The following EPHA7 variants were observed in gnomAD, a reference collection of about 807,000 sequenced individuals.
EPHA7 encodes the protein ephrin type-A receptor 7.
Under a neutral mutation model 112.6 loss-of-function variants are expected in EPHA7, and 25 were observed. The ratio of observed to expected loss-of-function variants is 0.22; its 90% CI spans 0.16 to 0.31. The LOEUF (loss-of-function observed/expected upper bound fraction) is 0.31. Among genes scored for constraint, EPHA7 ranks in the 10% least tolerant of loss-of-function variants. The pLI is 1.00. For synonymous variants in EPHA7, 437 were observed against 406.5 expected, an observed-to-expected ratio of 1.07 and a Z score of -0.90; for missense variants, 962 against 1,212.6, an observed-to-expected ratio of 0.79 and a Z score of 3.07.
intron 5 of EPHA7, among the ~76,000 whole-genome samples, chr6:93,334,866 T>A (rs1449585680): frequency 6.6e-6 from 1 of 152,166 alleles, no homozygotes; most frequent in East Asian, 1.9e-4. Flanking sequence ...GATTGCGATG[T>A]GTAGCTCATA....
chr6:93,385,590 TTAA>T (rs1474612094), intron 3 of EPHA7, among the ~76,000 whole-genome samples: 1 of 152,040 alleles, frequency 6.6e-6, no homozygotes, highest in Admixed American at 6.6e-5. Context: ...ACCCCACTTA[TTAA>T]TGAGACTGAA....
chr6:93,374,723 G>A (rs950002131), intron 3 of EPHA7, among the ~76,000 whole-genome samples: 1 of 152,176 alleles, frequency 6.6e-6, no homozygotes, highest in Admixed American at 6.5e-5. Flanking sequence ...TCAAGTGCTA[G>A]AACCATCATT....
At chr6:93,380,258 AC>A (rs1777269422) in intron 3 of EPHA7, among the ~76,000 whole-genome samples, 1 of 152,032 alleles carries the variant, frequency 6.6e-6, no homozygotes. Context: ...CAAGACAAAT[AC>A]TTTGGGAGGG....
In EPHA7 at chr6:93,307,930, A is replaced by C. The variant is rs147182107; in HGVS notation, c.1325-35508T>G. ...ATATCTACTTAGTTCTCAAATATCA[A>C]GACTTTTTCCCGATGAATATGGATT... On this transcript the variant is annotated intron_variant, in intron 5 of 16. Coordinates refer to ENST00000369303, the MANE Select transcript of EPHA7 (RefSeq NM_004440.4). Among the ~76,000 whole-genome samples the C allele has an allele frequency of 3.3e-4, 51 of 152,300 alleles. 1 individual carries two copies. The highest frequency in any genetic ancestry group is 1.2e-3 in the African/African-American group (50 of 41,568).
At position 93,331,452 on chromosome 6, in the gene EPHA7, CA is replaced by C. The variant is rs35947900; in HGVS notation, c.1324+25264del. ...AGATTATATATTTAGCAGAAAAATACAAAAAAAAAAATTCAGAGCTTTTAAA... is the reference window on the plus strand; with the variant it reads ...AGATTATATATTTAGCAGAAAAATACAAAAAAAAAATTCAGAGCTTTTAAA... On this transcript the variant is annotated intron_variant, in intron 5 of 16. Coordinates refer to ENST00000369303, the MANE Select transcript of EPHA7 (RefSeq NM_004440.4). Among the ~76,000 whole-genome samples, 378 of 145,576 alleles carry C rather than the reference CA, an allele frequency of 2.6e-3. 2 individuals are homozygous for C. The highest frequency in any genetic ancestry group is 3.5e-3 in the Middle Eastern group (1 of 282).
At chr6:93,293,258 A>G (rs1026533705) in intron 5 of EPHA7, among the ~76,000 whole-genome samples, 1 of 151,938 alleles carries the variant, frequency 6.6e-6, no homozygotes, top group Non-Finnish European at 1.5e-5. Context: ...TATTTTTAAA[A>G]TTTAAAACAA....
intron 5 of EPHA7, among the ~76,000 whole-genome samples, chr6:93,312,161 GC>G (rs997306034): frequency 6.6e-6 from 1 of 152,114 alleles, no homozygotes; most frequent in Non-Finnish European, 1.5e-5. Context: ...GGTGCATTTA[GC>G]CCTTAAAAAG....
intron 2 of EPHA7, among the ~76,000 whole-genome samples, chr6:93,413,481 T>C (rs187752519): frequency 1.3e-5 from 2 of 152,010 alleles, no homozygotes; most frequent in East Asian, 1.9e-4. Flanking sequence ...ATGGGCTACA[T>C]CTGTCATTGG....
At chr6:93,305,377 A>C (rs1051614699) in intron 5 of EPHA7, among the ~76,000 whole-genome samples, 15 of 151,986 alleles carry the variant, frequency 9.9e-5, no homozygotes, top group Admixed American at 3.3e-4. Flanking sequence ...AATTCAGTGA[A>C]TTAAAATTTC....
chr6:93,283,593 G>A (rs1200875954), intron 5 of EPHA7, among the ~76,000 whole-genome samples: 2 of 151,784 alleles, frequency 1.3e-5, no homozygotes, highest in African/African-American at 4.8e-5. Context: ...CAGACGCACT[G>A]CCTTAAGAGC....
intron 3 of EPHA7, among the ~76,000 whole-genome samples, chr6:93,384,194 T>C (rs1230758789): frequency 2.0e-5 from 3 of 152,162 alleles, no homozygotes; most frequent in East Asian, 3.9e-4. Context: ...ATACATCTCA[T>C]TGTTTTACTA....
intron 5 of EPHA7, among the ~76,000 whole-genome samples, chr6:93,352,292 G>GT (rs956141525): frequency 4.6e-5 from 7 of 151,998 alleles, no homozygotes; most frequent in African/African-American, 7.2e-5. Context: ...TGAGTGATCT[G>GT]TTTTTATTAA....
rs771983362 is a variant in EPHA7 at position 93,245,327 on chromosome 6, G to T, written c.2853C>A (p.Ser951=). The change falls in exon 16 of 17, where the codon TCC becomes TCA. Residue 951 remains serine (S), a synonymous_variant. Transcript: ENST00000369303. ...TAGTCATCCTGGCTACTGATTCAAG[G>T]GAATTGTAGCCAGCTGCCGTGAAAT... ...KDNFTAAGYN[S]LESVARMTIE... is the part of the protein sequence containing the mutation. 6.2e-7 allele frequency: 1 copy of T among 1,613,144 alleles called. No homozygotes were observed. Among genetic ancestry groups the T allele is most frequent in the Non-Finnish European group, 8.5e-7 (1 of 1,179,842 alleles).
At chr6:93,330,333 TATAAA>T (rs1774529943) in intron 5 of EPHA7, among the ~76,000 whole-genome samples, 1 of 151,282 alleles carries the variant, frequency 6.6e-6, no homozygotes, top group African/African-American at 2.4e-5. Context: ...TATTTGAAAA[TATAAA>T]ATAAATTATT....
chr6:93,341,351 C>A (rs988170803), intron 5 of EPHA7, among the ~76,000 whole-genome samples: 1 of 151,642 alleles, frequency 6.6e-6, no homozygotes, highest in African/African-American at 2.4e-5. Context: ...AATAAGACTA[C>A]AACAGAAGGC....
chr6:93,318,586 C>T (rs1236458974), intron 5 of EPHA7, among the ~76,000 whole-genome samples: 2 of 151,804 alleles, frequency 1.3e-5, no homozygotes, highest in African/African-American at 4.8e-5. Context: ...AAGACAACTG[C>T]TTTTAATAAA....
chr6:93,244,475 TG>T (rs1208245602), intron 16 of EPHA7, among the ~76,000 whole-genome samples: 3 of 152,130 alleles, frequency 2.0e-5, no homozygotes, highest in Non-Finnish European at 4.4e-5. Flanking sequence ...CCTTGATTAT[TG>T]TTTTCCATTT....
intron 2 of EPHA7, 35 bp downstream of exon 2, chr6:93,414,668 T>TA (rs1487923803): frequency 7.8e-6 from 12 of 1,534,568 alleles, no homozygotes; most frequent in African/African-American, 1.4e-5. Flanking sequence ...TTTCTTATTT[T>TA]AAAAAAGTGA....
At position 93,255,680 on chromosome 6, in the gene EPHA7, CAAAAA is replaced by C; in HGVS notation, c.2382+143_2382+147del. 5.5e-6 allele frequency: 3 copies of C among 547,672 alleles called. 1 individual carries two copies. Among genetic ancestry groups the C allele is most frequent in the Non-Finnish European group, 3.0e-6 (1 of 332,674 alleles). The allele number at this position is 547,672 out of a possible 1,614,324, so 33.9% of individuals were successfully genotyped here. A position where few individuals can be genotyped will look rare whatever the true frequency, so the allele number is the denominator to read the frequency against. On this transcript the variant is annotated intron_variant, in intron 13 of 16. Transcript: ENST00000369303. ...ACAAACAATGATTCTTCCAGAAAAA[CAAAAA>C]ACAAAAAACAAAAAAAGCAACCTCA...
Sources: gnomAD v4.1 joint callset for allele counts (sites outside exome capture counted in the v4.1 genomes callset) on GRCh38, gnomAD v4.1.1 for gene constraint, MANE v1.5 for transcripts, NCBI Gene and HGNC (gene_info 2026-07-23, HGNC 2026-07-21) for gene names.